The following RAB6A variants were observed in gnomAD, a reference collection of about 807,000 sequenced individuals.
RAB6A encodes RAB6A, member RAS oncogene family.
Under a neutral mutation model 32.3 loss-of-function variants are expected in RAB6A, and 8 were observed. The observed-to-expected ratio is 0.25, with a 90% CI of 0.15 to 0.45. The LOEUF is 0.45. RAB6A is among the 20% of genes least tolerant of loss of function. The pLI is 1.00. For missense variants in RAB6A, 104 were observed against 249.4 expected (o/e 0.42, Z 3.93); for synonymous variants, 73 against 82.1 (o/e 0.89, Z 0.60).
intron 1 of RAB6A, among the ~76,000 whole-genome samples, chr11:73,745,944 G>C (rs1196063514): frequency 6.6e-6 from 1 of 152,000 alleles, no homozygotes; most frequent in Non-Finnish European, 1.5e-5. Flanking sequence ...AGGTTGCAGT[G>C]AGCTGAGACT....
chr11:73,727,644 C>T (rs534037650), intron 2 of RAB6A, among the ~76,000 whole-genome samples: 9 of 152,160 alleles, frequency 5.9e-5, no homozygotes, highest in Non-Finnish European at 1.0e-4. Context: ...AAAAGAAATG[C>T]CCATGTTTTT....
chr11:73,702,023 T>C (rs1945753845), intron 6 of RAB6A, among the ~76,000 whole-genome samples: 1 of 152,220 alleles, frequency 6.6e-6, no homozygotes, highest in Non-Finnish European at 1.5e-5. Context: ...ATACACTTAC[T>C]AACATAACTT....
chr11:73,750,500 C>T (rs1355833054), intron 1 of RAB6A, among the ~76,000 whole-genome samples: 1 of 152,080 alleles, frequency 6.6e-6, no homozygotes, highest in Non-Finnish European at 1.5e-5. Flanking sequence ...GGATTATAGG[C>T]ATGTGCCACC....
At chr11:73,752,342 G>A (rs1946681333) in intron 1 of RAB6A, among the ~76,000 whole-genome samples, 1 of 152,122 alleles carries the variant, frequency 6.6e-6, no homozygotes, top group Non-Finnish European at 1.5e-5. Flanking sequence ...TGTAATCTCA[G>A]CTACTCAGGA....
intron 1 of RAB6A, among the ~76,000 whole-genome samples, chr11:73,758,638 G>T (rs1343565304): frequency 1.3e-5 from 2 of 152,048 alleles, no homozygotes; most frequent in Admixed American, 1.3e-4. Flanking sequence ...AAGGAAACCT[G>T]AAGATACTTA....
chr11:73,743,512 A>C (rs1946533758), intron 1 of RAB6A, among the ~76,000 whole-genome samples: 1 of 152,034 alleles, frequency 6.6e-6, no homozygotes, highest in African/African-American at 2.4e-5. Flanking sequence ...CTGTAGTCCC[A>C]ACTACTCAAG....
chr11:73,697,008 G>A (rs986782677), intron 6 of RAB6A, among the ~76,000 whole-genome samples: 1 of 152,116 alleles, frequency 6.6e-6, no homozygotes, highest in Non-Finnish European at 1.5e-5. Context: ...TGCCCACATG[G>A]TCTTAAGGCC....
intron 1 of RAB6A, among the ~76,000 whole-genome samples, chr11:73,757,090 T>TATAC (rs1372230797): frequency 0.01 from 1,092 of 106,570 alleles, 27 homozygotes; most frequent in South Asian, 0.023. Context: ...GTATCTTAAA[T>TATAC]ATACATACAT....
chr11:73,758,711 A>G (rs1205373054), intron 1 of RAB6A, among the ~76,000 whole-genome samples: 1 of 152,230 alleles, frequency 6.6e-6, no homozygotes, highest in Non-Finnish European at 1.5e-5. Context: ...AGGTTTTTTC[A>G]TGCAAACTAA....
chr11:73,676,382 C>A lies in RAB6A; in HGVS notation c.*1516G>T, dbSNP rs1945269650. Reference sequence around the variant, plus strand: ...ATAACTAGTAAAGATTAAAAGGGCACACTCCTAGTATATTTGTTTGCAGTG... The same window carrying A: ...ATAACTAGTAAAGATTAAAAGGGCAAACTCCTAGTATATTTGTTTGCAGTG... On this transcript the variant is annotated 3_prime_UTR_variant, in exon 8 of 8. Coordinates refer to ENST00000336083, the MANE Select transcript of RAB6A (RefSeq NM_198896.2). 6.0e-6 allele frequency: 1 copy of A among 166,772 alleles called. No individual in the cohort carries two copies. Among genetic ancestry groups the A allele is most frequent in the Non-Finnish European group, 1.5e-5 (1 of 68,090 alleles). 10.3% of individuals were successfully genotyped at this position (166,772 alleles called of 1,614,324 possible).
At chr11:73,748,922 C>T (rs556007267) in intron 1 of RAB6A, among the ~76,000 whole-genome samples, 3 of 151,948 alleles carry the variant, frequency 2.0e-5, no homozygotes, top group Non-Finnish European at 4.4e-5. Context: ...GTAAGGAGTT[C>T]AAGACCAGCC....
At chr11:73,752,499 G>A (rs1946683619) in intron 1 of RAB6A, among the ~76,000 whole-genome samples, 1 of 152,104 alleles carries the variant, frequency 6.6e-6, no homozygotes, top group African/African-American at 2.4e-5. Context: ...ACATTCAGAA[G>A]ATGAACAAAA....
At chr11:73,691,312 C>A (rs777856408) in intron 6 of RAB6A, among the ~76,000 whole-genome samples, 1 of 152,144 alleles carries the variant, frequency 6.6e-6, no homozygotes, top group Admixed American at 6.5e-5. Flanking sequence ...GGTCTGCCCT[C>A]GCCAGAGCAT....
intron 5 of RAB6A, 122 bp from the exon 6 acceptor site, chr11:73,707,635 T>C (rs893380856): frequency 8.6e-5 from 54 of 626,856 alleles, no homozygotes; most frequent in South Asian, 2.6e-5. Context: ...TCACATTAGT[T>C]TAAAAATTCA....
intron 1 of RAB6A, among the ~76,000 whole-genome samples, chr11:73,745,701 G>T (rs891337062): frequency 6.6e-6 from 1 of 152,084 alleles, no homozygotes; most frequent in Non-Finnish European, 1.5e-5. Context: ...GCATGGTGGC[G>T]TGTGCCTGTA....
intron 2 of RAB6A, among the ~76,000 whole-genome samples, chr11:73,728,658 AAAT>A (rs1394321706): frequency 1.2e-5 from 1 of 86,478 alleles, no homozygotes; most frequent in African/African-American, 3.8e-5. Flanking sequence ...AATGAAATAA[AAAT>A]AATAGTGTAT....
rs1294075233 is a variant in RAB6A, at chr11:73,726,135, AT to A, written c.129+4629del. On this transcript the variant is annotated intron_variant, in intron 2 of 7. Transcript: ENST00000336083. ...CCCCGTCTCTAGTAAAAATACAAAA[AT>A]TAGCCAGGTGTGGTGGTGCGCATGT... Among the ~76,000 whole-genome samples, 10 of 152,014 alleles carry A rather than the reference AT, an allele frequency of 6.6e-5. No homozygotes were observed. The South Asian group carries it at 1.5e-3, about 22-fold the overall frequency.
chr11:73,706,585 T>G (rs780090053), intron 6 of RAB6A, among the ~76,000 whole-genome samples: 4 of 152,118 alleles, frequency 2.6e-5, no homozygotes, highest in Non-Finnish European at 5.9e-5. Context: ...ATATACAGCC[T>G]TGAAGAGTTA....
At chr11:73,684,490 A>G (rs1255152841) in intron 6 of RAB6A, among the ~76,000 whole-genome samples, 1 of 152,232 alleles carries the variant, frequency 6.6e-6, no homozygotes, top group African/African-American at 2.4e-5. Context: ...TTGTTTTTAC[A>G]GACATAATGC....
Sources: gnomAD v4.1 joint callset for allele counts (sites outside exome capture counted in the v4.1 genomes callset) on GRCh38, gnomAD v4.1.1 for gene constraint, MANE v1.5 for transcripts, NCBI Gene and HGNC (gene_info 2026-07-23, HGNC 2026-07-21) for gene names.